KCNB2: variants seen among roughly 807,000 people sequenced by gnomAD.
KCNB2 encodes the protein delayed rectifier potassium channel protein.
Under a neutral mutation model 61.5 loss-of-function variants are expected in KCNB2, and 15 were observed. That is an observed-to-expected ratio of 0.24 (90% CI 0.16 to 0.38). The LOEUF (loss-of-function observed/expected upper bound fraction) is 0.38. KCNB2 is among the 10% of genes least tolerant of loss of function. KCNB2 has a pLI of 1.00. For synonymous variants in KCNB2, 457 were observed against 446.0 expected, an observed-to-expected ratio of 1.02 and a Z score of -0.31; for missense variants, 828 against 1,125.2, an observed-to-expected ratio of 0.74 and a Z score of 3.78.
intron 2 of KCNB2, among the ~76,000 whole-genome samples, chr8:72,610,522 T>G (rs1805520522): frequency 6.6e-6 from 1 of 152,158 alleles, no homozygotes; most frequent in Non-Finnish European, 1.5e-5. Flanking sequence ...AGGTTAGGGA[T>G]ATGATCTCTT....
chr8:72,892,624 C>T (rs1344369224), intron 2 of KCNB2, among the ~76,000 whole-genome samples: 1 of 152,200 alleles, frequency 6.6e-6, no homozygotes, highest in Admixed American at 6.5e-5. Flanking sequence ...GTTTACACAG[C>T]TTGCTCAAAG....
chr8:72,738,029 T>C (rs1164604532), intron 2 of KCNB2, among the ~76,000 whole-genome samples: 2 of 152,182 alleles, frequency 1.3e-5, no homozygotes, highest in Middle Eastern at 3.2e-3. Flanking sequence ...ATCAAAAATA[T>C]ACCCGTTTAC....
chr8:72,851,826 G>GGAAAAAAAAAAAAAAA, intron 2 of KCNB2, among the ~76,000 whole-genome samples: 1 of 43,868 alleles, frequency 2.3e-5, no homozygotes, highest in South Asian at 1.5e-3. Context: ...GAAGCTGTAG[G>GGAAAAAAAAAAAAAAA]AAAAAAAAAA....
rs189362677 is a variant in KCNB2, at chr8:72,662,155, A to G, written c.579+93842A>G. On this transcript the variant is annotated intron_variant, in intron 2 of 2. Transcript: ENST00000523207. ...AGTGCCACCACTCCCATAGCAATCC[A>G]TGGGCTCTGGGTCTGGTCTCAGGGC... Among the ~76,000 whole-genome samples, 262 of 152,232 alleles carry G rather than the reference A, an allele frequency of 1.7e-3. 1 individual carries two copies. Among genetic ancestry groups the G allele is most frequent in the African/African-American group, 5.8e-3 (243 of 41,544 alleles).
chr8:72,584,474 A>G (rs2128980835), intron 2 of KCNB2, among the ~76,000 whole-genome samples: 1 of 152,312 alleles, frequency 6.6e-6, no homozygotes, highest in Middle Eastern at 3.4e-3. Context: ...TATGGAACAG[A>G]GAAAAAAACT....
intron 2 of KCNB2, among the ~76,000 whole-genome samples, chr8:72,824,450 T>G (rs1022012179): frequency 2.0e-5 from 3 of 151,992 alleles, no homozygotes; most frequent in African/African-American, 7.2e-5. Context: ...CAGGCTTCCC[T>G]CACCTCCCAG....
At chr8:72,832,149 A>G (rs1809709189) in intron 2 of KCNB2, among the ~76,000 whole-genome samples, 1 of 152,254 alleles carries the variant, frequency 6.6e-6, no homozygotes, top group Non-Finnish European at 1.5e-5. Flanking sequence ...GTAGGAGTGA[A>G]GGATATAATC....
intron 2 of KCNB2, among the ~76,000 whole-genome samples, chr8:72,698,912 T>C (rs1250352456): frequency 6.6e-6 from 1 of 152,056 alleles, no homozygotes; most frequent in Admixed American, 6.6e-5. Context: ...ATAAGAATCA[T>C]AGAAGAAAAC....
At chr8:72,614,450 CA>C (rs1353702237) in intron 2 of KCNB2, among the ~76,000 whole-genome samples, 1 of 152,146 alleles carries the variant, frequency 6.6e-6, no homozygotes. Flanking sequence ...ATTGGAAACT[CA>C]ATTTCTTGTG....
At chr8:72,594,091 A>C (rs577963884) in intron 2 of KCNB2, among the ~76,000 whole-genome samples, 3 of 152,328 alleles carry the variant, frequency 2.0e-5, no homozygotes, top group African/African-American at 7.2e-5. Context: ...TTTAGAGTCT[A>C]CCTGAGGAAA....
At chr8:72,717,251 A>G (rs1807460836) in intron 2 of KCNB2, among the ~76,000 whole-genome samples, 1 of 152,252 alleles carries the variant, frequency 6.6e-6, no homozygotes, top group Non-Finnish European at 1.5e-5. Flanking sequence ...GGTAATTTAT[A>G]GATTCAATGC....
intron 2 of KCNB2, among the ~76,000 whole-genome samples, chr8:72,823,195 C>T (rs960266604): frequency 6.6e-6 from 1 of 152,088 alleles, no homozygotes; most frequent in Non-Finnish European, 1.5e-5. Flanking sequence ...TCTTGAATAG[C>T]GTATGTTTGC....
At chr8:72,798,095 C>T (rs771523664) in intron 2 of KCNB2, among the ~76,000 whole-genome samples, 1 of 151,886 alleles carries the variant, frequency 6.6e-6, no homozygotes, top group Non-Finnish European at 1.5e-5. Flanking sequence ...GGTTGGAAAA[C>T]ACATAGCAAT....
At chr8:72,926,758 A>T (rs1412177249) in intron 2 of KCNB2, among the ~76,000 whole-genome samples, 1 of 152,092 alleles carries the variant, frequency 6.6e-6, no homozygotes, top group Non-Finnish European at 1.5e-5. Flanking sequence ...CAGGGTCGAG[A>T]TTCTACTTCA....
chr8:72,647,585 C>G (rs1257182259), intron 2 of KCNB2, among the ~76,000 whole-genome samples: 2 of 151,972 alleles, frequency 1.3e-5, no homozygotes, highest in Non-Finnish European at 2.9e-5. Context: ...GTGGTGAAAA[C>G]AGATTTTATT....
rs1346102344 is a variant in KCNB2, at chr8:72,568,044, C to A, written c.310C>A (p.Arg104=). The change falls in exon 2 of 3, where the codon CGG becomes AGG. Residue 104 remains arginine (R), a synonymous_variant. Transcript: ENST00000523207. The part of the protein sequence containing the change: ...GAFTSILNFY[R]TGKLHMMEEM... ...CTTCACTTCCATTTTAAATTTCTAC[C>A]GGACCGGGAAACTCCATATGATGGA... The A allele has an allele frequency of 6.2e-7, 1 of 1,614,062 alleles. No individual in the cohort carries two copies. The highest frequency in any genetic ancestry group is 8.5e-7 in the Non-Finnish European group (1 of 1,180,006).
At chr8:72,538,711 G>A (rs1346318891) in intron 1 of KCNB2, among the ~76,000 whole-genome samples, 1 of 152,014 alleles carries the variant, frequency 6.6e-6, no homozygotes, top group Admixed American at 6.6e-5. Flanking sequence ...TAATCAAGTT[G>A]TGTAGTAATG....
rs1263667959 is a variant in KCNB2 at position 72,687,921 on chromosome 8, C to T, written c.579+119608C>T. Among the ~76,000 whole-genome samples, 10 of 152,262 alleles carry T rather than the reference C, an allele frequency of 6.6e-5. No homozygotes were observed. In the East Asian group the frequency reaches 1.9e-3, roughly 29 times the overall value. ...GCCTAGGCAAAAGCAGGGGATCCTA[C>T]ATGGGGCAGCTGGAGAAGTTTGGGC... On this transcript the variant is annotated intron_variant, in intron 2 of 2. Coordinates refer to ENST00000523207, the MANE Select transcript of KCNB2 (RefSeq NM_004770.3).
chr8:72,892,723 T>A (rs2129005966), intron 2 of KCNB2, among the ~76,000 whole-genome samples: 1 of 152,258 alleles, frequency 6.6e-6, no homozygotes, highest in Middle Eastern at 3.4e-3. Context: ...CTATACTACT[T>A]CTTATCCTAA....
Sources: gnomAD v4.1 joint callset for allele counts (sites outside exome capture counted in the v4.1 genomes callset) on GRCh38, gnomAD v4.1.1 for gene constraint, MANE v1.5 for transcripts, NCBI Gene and HGNC (gene_info 2026-07-23, HGNC 2026-07-21) for gene names.